Variants in GPD2 observed in about 807,000 individuals in gnomAD.
GPD2 encodes the protein glycerol-3-phosphate dehydrogenase 2.
Under a neutral mutation model 82.4 loss-of-function variants are expected in GPD2, and 54 were observed. That is an observed-to-expected ratio of 0.66 (90% CI 0.53 to 0.82). The LOEUF (loss-of-function observed/expected upper bound fraction) is 0.82. Ranked by LOEUF, GPD2 falls within the 40% of genes least tolerant of loss-of-function variation. The pLI, the probability that GPD2 is intolerant of heterozygous loss-of-function variation, is 0.00. For missense variants in GPD2, 748 were observed against 896.2 expected (o/e 0.83, Z 2.11); for synonymous variants, 288 against 306.1 (o/e 0.94, Z 0.62).
intron 3 of GPD2, among the ~76,000 whole-genome samples, chr2:156,503,000 G>A (rs888061349): frequency 6.6e-6 from 1 of 151,776 alleles, no homozygotes; most frequent in Non-Finnish European, 1.5e-5. Context: ...AACTCTGTAA[G>A]TATAGTAATG....
chr2:156,424,803 C>G, the GPD2 span, among the ~76,000 whole-genome samples: 2 of 152,134 alleles, frequency 1.3e-5, no homozygotes, highest in African/African-American at 2.4e-5. Context: ...CTTAATTCCC[C>G]CATGACAACA....
At chr2:156,517,194 G>A (rs1685230205) in intron 6 of GPD2, among the ~76,000 whole-genome samples, 1 of 152,102 alleles carries the variant, frequency 6.6e-6, no homozygotes, top group African/African-American at 2.4e-5. Flanking sequence ...CTGGCCTCAA[G>A]TGATCCTCCC....
intron 2 of GPD2, among the ~76,000 whole-genome samples, chr2:156,490,956 CTA>C (rs1684152619): frequency 6.8e-5 from 5 of 73,510 alleles, no homozygotes; most frequent in South Asian, 3.7e-4. Context: ...ATTTACAATT[CTA>C]TGAGTTTTGA....
intron 6 of GPD2, among the ~76,000 whole-genome samples, chr2:156,545,059 T>A (rs1375704320): frequency 6.6e-6 from 1 of 152,166 alleles, no homozygotes; most frequent in Non-Finnish European, 1.5e-5. Context: ...AGCAAAATAA[T>A]CCCCTTATGT....
intron 1 of GPD2, among the ~76,000 whole-genome samples, chr2:156,453,450 G>A (rs1223199101): frequency 6.6e-6 from 1 of 152,212 alleles, no homozygotes; most frequent in Non-Finnish European, 1.5e-5. Context: ...GGTGTTTACA[G>A]TGTAGGGTGC....
rs146686652 is a variant in GPD2 at position 156,573,776 on chromosome 2, C to G, written c.1767+2484C>G. Among the ~76,000 whole-genome samples the G allele has an allele frequency of 8.1e-3, 1,229 of 152,154 alleles. 6 individuals are homozygous for G. The highest frequency in any genetic ancestry group is 0.012 in the Non-Finnish European group (806 of 67,992). On this transcript the variant is annotated intron_variant, in intron 13 of 16. Transcript: ENST00000438166. ...TAGGAGTATTAATGAGAGCTGTGGA[C>G]AGTCTAGAGAGAACAAAGGAGTGGG...
chr2:156,437,995 A>G (rs1224021725), intron 1 of GPD2, among the ~76,000 whole-genome samples: 2 of 152,178 alleles, frequency 1.3e-5, no homozygotes, highest in African/African-American at 4.8e-5. Context: ...CTAGCGTGTA[A>G]GTTCTATGAG....
chr2:156,414,690 A>G, the GPD2 span, among the ~76,000 whole-genome samples: 1 of 152,198 alleles, frequency 6.6e-6, no homozygotes, highest in Non-Finnish European at 1.5e-5. Context: ...TTTTACATTC[A>G]AAGTGGATGA....
At chr2:156,575,766 A>G (rs1229906261) in intron 13 of GPD2, among the ~76,000 whole-genome samples, 1 of 151,212 alleles carries the variant, frequency 6.6e-6, no homozygotes, top group Non-Finnish European at 1.5e-5. Flanking sequence ...GATTCTATAA[A>G]GCATTTTAGA....
At chr2:156,543,091 C>T (rs1037983087) in intron 6 of GPD2, among the ~76,000 whole-genome samples, 1 of 152,148 alleles carries the variant, frequency 6.6e-6, no homozygotes, top group Admixed American at 6.6e-5. Flanking sequence ...TGCTTGCTAC[C>T]TTAACTTTAT....
the GPD2 span, among the ~76,000 whole-genome samples, chr2:156,419,956 C>T: frequency 6.6e-6 from 1 of 152,136 alleles, no homozygotes; most frequent in Non-Finnish European, 1.5e-5. Context: ...ATTTGGAATA[C>T]AGAAAATTGT....
the GPD2 span, among the ~76,000 whole-genome samples, chr2:156,406,985 C>G: frequency 2.0e-5 from 3 of 152,220 alleles, no homozygotes; most frequent in African/African-American, 7.2e-5. Context: ...CCAAGACGGG[C>G]AGATCACCTG....
intron 9 of GPD2, among the ~76,000 whole-genome samples, chr2:156,561,104 G>C (rs1353740921): frequency 8.1e-6 from 1 of 123,874 alleles, no homozygotes; most frequent in African/African-American, 3.1e-5. Flanking sequence ...CTGGTATGCA[G>C]TGGTGTGATC....
At chr2:156,429,358 T>C in the GPD2 span, among the ~76,000 whole-genome samples, 1 of 152,190 alleles carries the variant, frequency 6.6e-6, no homozygotes, top group South Asian at 2.1e-4. Flanking sequence ...TCTGCAAGAG[T>C]TTCTTGGGAC....
chr2:156,527,485 T>C (rs923976349), intron 6 of GPD2, among the ~76,000 whole-genome samples: 2 of 152,110 alleles, frequency 1.3e-5, no homozygotes, highest in Admixed American at 1.3e-4. Context: ...ACCTATTTTT[T>C]TTAACTCATC....
chr2:156,408,537 G>C, the GPD2 span, among the ~76,000 whole-genome samples: 1 of 151,606 alleles, frequency 6.6e-6, no homozygotes, highest in East Asian at 1.9e-4. Context: ...ACCAGTCTGG[G>C]CAACATAGGG....
chr2:156,480,774 C>CTT (rs373482615), intron 2 of GPD2, among the ~76,000 whole-genome samples: 14 of 136,536 alleles, frequency 1.0e-4, no homozygotes, highest in South Asian at 2.4e-4. Context: ...ATCTCTCTCT[C>CTT]TTTTTTTTTT....
intron 2 of GPD2, among the ~76,000 whole-genome samples, chr2:156,485,402 C>G (rs1683902769): frequency 6.6e-6 from 1 of 152,156 alleles, no homozygotes; most frequent in Non-Finnish European, 1.5e-5. Context: ...ATTTGATGAT[C>G]TGTCCTTCTG....
intron 9 of GPD2, among the ~76,000 whole-genome samples, chr2:156,562,903 T>C (rs1032126949): frequency 1.3e-5 from 2 of 152,210 alleles, no homozygotes; most frequent in African/African-American, 4.8e-5. Context: ...TATTTTACTT[T>C]AATATTGCCA....
Sources: allele counts gnomAD v4.1 joint callset (sites outside exome capture counted in the v4.1 genomes callset), GRCh38; gene constraint gnomAD v4.1.1; transcripts MANE v1.5; gene names NCBI Gene and HGNC (gene_info 2026-07-23, HGNC 2026-07-21).